The following L2HGDH variants were observed in gnomAD, a reference collection of about 807,000 sequenced individuals.
L2HGDH encodes the protein L-2-hydroxyglutarate dehydrogenase.
A neutral mutation model predicts 51.5 loss-of-function variants in L2HGDH; 34 were observed. The ratio of observed to expected loss-of-function variants is 0.66; its 90% CI spans 0.50 to 0.88. The LOEUF is 0.88. Among genes scored for constraint, L2HGDH ranks in the 40% least tolerant of loss-of-function variants. The pLI is 0.00. For synonymous variants in L2HGDH, 198 were observed against 197.9 expected (o/e 1.00, Z -0.01); for missense variants, 558 against 571.9 (o/e 0.98, Z 0.25).
intron 4 of L2HGDH, among the ~76,000 whole-genome samples, chr14:50,284,601 C>T (rs1220741294): frequency 1.3e-5 from 2 of 152,028 alleles, no homozygotes; most frequent in Admixed American, 6.6e-5. Context: ...AAATGTTGAA[C>T]GTGTCATTGG....
At chr14:50,273,658 A>G (rs1889816059) in intron 6 of L2HGDH, among the ~76,000 whole-genome samples, 1 of 152,186 alleles carries the variant, frequency 6.6e-6, no homozygotes, top group African/African-American at 2.4e-5. Flanking sequence ...AGAAATGACA[A>G]TAAAGAGACA....
intron 6 of L2HGDH, among the ~76,000 whole-genome samples, chr14:50,278,245 A>G (rs1480445173): frequency 6.6e-6 from 1 of 152,218 alleles, no homozygotes; most frequent in Non-Finnish European, 1.5e-5. Context: ...GGAGATCAGT[A>G]GATAGAGTGA....
chr14:50,245,285 T>A lies in L2HGDH; in HGVS notation c.*1773A>T. ...AGAGATATAATAGATAAATAACTTT[T>A]TTAAATTGGAGTTCTATACATCAGT... On this transcript the variant is annotated 3_prime_UTR_variant, in exon 10 of 10. Transcript: ENST00000267436. 2.0e-6 allele frequency: 2 copies of A among 985,090 alleles called. No homozygotes were observed. Among genetic ancestry groups the A allele is most frequent in the Non-Finnish European group, 2.4e-6 (2 of 829,606 alleles). The allele number at this position is 985,090 out of a possible 1,614,324, so 61.0% of individuals were successfully genotyped here. A position where few individuals can be genotyped will look rare whatever the true frequency, so the allele number is the denominator to read the frequency against.
intron 7 of L2HGDH, among the ~76,000 whole-genome samples, chr14:50,268,809 C>T (rs1889502174): frequency 6.6e-6 from 1 of 152,112 alleles, no homozygotes; most frequent in African/African-American, 2.4e-5. Flanking sequence ...TTTTCTGTAC[C>T]TACAGATAGT....
chr14:50,278,367 AAAAGCTGTTAAACTTCCCTAAAAGAAATT>A (rs1382654398), intron 6 of L2HGDH, among the ~76,000 whole-genome samples, 124 bp downstream of exon 6: 1 of 151,956 alleles, frequency 6.6e-6, no homozygotes, highest in African/African-American at 2.4e-5. Context: ...TCCTTAGAAT[AAAAGCTGTTAAACTTCCCTAAAAGAAATT>A]CTCTCAGAAT....
In L2HGDH at chr14:50,262,595, A is replaced by C. The variant is rs569270215; in HGVS notation, c.1196+2763T>G. On this transcript the variant is annotated intron_variant, in intron 9 of 9. Coordinates refer to ENST00000267436, the MANE Select transcript of L2HGDH (RefSeq NM_024884.3). ...GCCTCTGTAGAACTCTCAAGATCCC[A>C]TTCTCTTCCCTCACCAGAGGTAACC... is the stretch of plus-strand genomic sequence containing the variant. 3.9e-5 allele frequency among the ~76,000 whole-genome samples: 6 copies of C among 152,168 alleles called. No individual in the cohort carries two copies. In the South Asian group the frequency reaches 1.2e-3, roughly 32 times the overall value.
chr14:50,257,613 C>T (rs1387745726), intron 9 of L2HGDH, among the ~76,000 whole-genome samples: 2 of 152,028 alleles, frequency 1.3e-5, no homozygotes, highest in South Asian at 2.1e-4. Flanking sequence ...CCAAACAATC[C>T]TCCCACGTTG....
At chr14:50,267,330 C>G (rs1889401721) in intron 8 of L2HGDH, among the ~76,000 whole-genome samples, 1 of 151,918 alleles carries the variant, frequency 6.6e-6, no homozygotes, top group South Asian at 2.1e-4. Flanking sequence ...CTACAGGTGC[C>G]AGCCACCACG....
At chr14:50,304,401 C>T (rs1309411605) in intron 1 of L2HGDH, among the ~76,000 whole-genome samples, 1 of 152,196 alleles carries the variant, frequency 6.6e-6, no homozygotes, top group Non-Finnish European at 1.5e-5. Flanking sequence ...AGCTTTAACA[C>T]TTTAGTGTGC....
Position 50,244,571 on chromosome 14 carries a change from T to C in L2HGDH, c.*2487A>G. 2 of 985,356 alleles carry C rather than the reference T, an allele frequency of 2.0e-6. No homozygotes were observed. Among genetic ancestry groups the C allele is most frequent in the Non-Finnish European group, 2.4e-6 (2 of 829,854 alleles). The allele number at this position is 985,356 out of a possible 1,614,324, so 61.0% of individuals were successfully genotyped here. ...GGAATCAGCTGTTATAAAGAAACATTAGGGCTTGTTTCTTCTGTCATTGAT... is the reference window on the plus strand; with the variant it reads ...GGAATCAGCTGTTATAAAGAAACATCAGGGCTTGTTTCTTCTGTCATTGAT... On this transcript the variant is annotated 3_prime_UTR_variant, in exon 10 of 10. Coordinates refer to ENST00000267436, the MANE Select transcript of L2HGDH (RefSeq NM_024884.3).
chr14:50,268,737 T>C (rs546894306), intron 7 of L2HGDH, among the ~76,000 whole-genome samples: 2 of 152,324 alleles, frequency 1.3e-5, no homozygotes, highest in East Asian at 3.9e-4. Flanking sequence ...GACAGAAGAA[T>C]GAACTCCTCA....
intron 9 of L2HGDH, among the ~76,000 whole-genome samples, chr14:50,252,996 G>A (rs1263250005): frequency 6.6e-6 from 1 of 152,036 alleles, no homozygotes; most frequent in Non-Finnish European, 1.5e-5. Flanking sequence ...TTTCTCCTCA[G>A]CACATGGATC....
intron 6 of L2HGDH, among the ~76,000 whole-genome samples, chr14:50,278,236 G>A (rs1433554136): frequency 2.0e-5 from 3 of 152,074 alleles, no homozygotes; most frequent in African/African-American, 7.2e-5. Context: ...TAAGTTAGTG[G>A]AGATCAGTAG....
At chr14:50,292,393 T>G (rs529518470) in intron 4 of L2HGDH, among the ~76,000 whole-genome samples, 1 of 152,338 alleles carries the variant, frequency 6.6e-6, no homozygotes, top group South Asian at 2.1e-4. Context: ...AAGGCCTTAC[T>G]CTACCAGATA....
chr14:50,311,981 A>C, intron 1 of L2HGDH, 30 bp downstream of exon 1: 1 of 1,547,480 alleles, frequency 6.5e-7, no homozygotes, highest in Non-Finnish European at 8.7e-7. Context: ...GCAGCAGCGC[A>C]GGCGGCGGGG....
intron 4 of L2HGDH, 113 bp downstream of exon 4, chr14:50,294,002 G>T: frequency 2.4e-6 from 3 of 1,264,442 alleles, no homozygotes; most frequent in Non-Finnish European, 3.4e-6. Flanking sequence ...CTACTTCTGT[G>T]ACAGGATTAT....
chr14:50,311,061 T>C (rs1448392082), intron 1 of L2HGDH, among the ~76,000 whole-genome samples: 6 of 148,902 alleles, frequency 4.0e-5, no homozygotes, highest in Non-Finnish European at 8.9e-5. Context: ...CTCCTAAGGC[T>C]CCGGAGTAGT....
rs779580978 is a variant in L2HGDH, at chr14:50,245,260, A to G, written c.*1798T>C. On this transcript the variant is annotated 3_prime_UTR_variant, in exon 10 of 10. Transcript: ENST00000267436. The stretch of plus-strand genomic sequence containing the variant: ...GAGAGCCTTAGTGTGACTAAAGATC[A>G]GAGATATAATAGATAAATAACTTTT... 3.0e-6 allele frequency: 3 copies of G among 985,060 alleles called. No homozygotes were observed. The highest frequency in any genetic ancestry group is 3.6e-6 in the Non-Finnish European group (3 of 829,554). The allele number at this position is 985,060 out of a possible 1,614,324, so 61.0% of individuals were successfully genotyped here.
In L2HGDH at chr14:50,306,947, C is replaced by T. The variant is rs1258378693; in HGVS notation, c.141-3930G>A. 2.0e-5 allele frequency among the ~76,000 whole-genome samples: 3 copies of T among 152,062 alleles called. No individual in the cohort carries two copies. The East Asian group carries it at 5.8e-4, about 29-fold the overall frequency. ...TCTCCTGCCTCAGCCTCCCTAGTAGCTGATATTATAGGCGAACACTGCCAT... is the reference window on the plus strand; with the variant it reads ...TCTCCTGCCTCAGCCTCCCTAGTAGTTGATATTATAGGCGAACACTGCCAT... On this transcript the variant is annotated intron_variant, in intron 1 of 9. Transcript: ENST00000267436.
Sources: gnomAD v4.1 joint callset for allele counts (sites outside exome capture counted in the v4.1 genomes callset) on GRCh38, gnomAD v4.1.1 for gene constraint, MANE v1.5 for transcripts, NCBI Gene and HGNC (gene_info 2026-07-23, HGNC 2026-07-21) for gene names.